ADAMTSL1: variants seen among roughly 807,000 people sequenced by gnomAD.
The protein encoded by ADAMTSL1 is ADAMTS like 1.
A neutral mutation model predicts 201.8 loss-of-function variants in ADAMTSL1; 126 were observed. The ratio of observed to expected loss-of-function variants is 0.62; its 90% CI spans 0.54 to 0.72. The LOEUF (loss-of-function observed/expected upper bound fraction) is 0.72, where lower values mean the gene tolerates loss of function less well. ADAMTSL1 is among the 30% of genes least tolerant of loss of function. ADAMTSL1 has a pLI of 0.00. For missense variants in ADAMTSL1, 2,679 were observed against 2,277.8 expected, an observed-to-expected ratio of 1.18 and a Z score of -3.59; for synonymous variants, 1,121 against 903.4, an observed-to-expected ratio of 1.24 and a Z score of -4.32.
intron 2 of ADAMTSL1, among the ~76,000 whole-genome samples, chr9:18,378,405 C>A (rs765607882): frequency 3.9e-5 from 6 of 152,124 alleles, no homozygotes; most frequent in African/African-American, 7.2e-5. Context: ...GGCACTAAGC[C>A]AGGGAGGGAT....
chr9:17,942,927 T>C (rs944352417), intron 1 of ADAMTSL1, among the ~76,000 whole-genome samples: 1 of 152,148 alleles, frequency 6.6e-6, no homozygotes, highest in Non-Finnish European at 1.5e-5. Flanking sequence ...TCTTTTTTTG[T>C]TGTTTGTTTA....
At chr9:18,648,071 C>T (rs1470086580) in intron 7 of ADAMTSL1, among the ~76,000 whole-genome samples, 1 of 147,216 alleles carries the variant, frequency 6.8e-6, no homozygotes, top group Non-Finnish European at 1.5e-5. Context: ...CTGGGTGCTC[C>T]TGTATTGGGT....
At chr9:18,217,597 A>T (rs10963524) in intron 2 of ADAMTSL1, among the ~76,000 whole-genome samples, 1 of 151,996 alleles carries the variant, frequency 6.6e-6, no homozygotes, top group Admixed American at 6.6e-5. Context: ...AGATATATGG[A>T]CCATGATGGA....
chr9:18,078,623 C>G (rs1409983111), intron 1 of ADAMTSL1, among the ~76,000 whole-genome samples: 3 of 152,104 alleles, frequency 2.0e-5, no homozygotes, highest in Non-Finnish European at 4.4e-5. Flanking sequence ...GTATCACTTT[C>G]TCGTGAGTAT....
At chr9:18,690,893 C>T (rs761050113) in intron 13 of ADAMTSL1, among the ~76,000 whole-genome samples, 4 of 152,190 alleles carry the variant, frequency 2.6e-5, no homozygotes, top group Non-Finnish European at 2.9e-5. Flanking sequence ...AAATTGTTCA[C>T]ACCTCCTAAT....
intron 5 of ADAMTSL1, among the ~76,000 whole-genome samples, chr9:18,627,763 A>G (rs1417299903): frequency 6.6e-6 from 1 of 151,948 alleles, no homozygotes; most frequent in Non-Finnish European, 1.5e-5. Flanking sequence ...TGACCTGATT[A>G]GCAATCTTAA....
chr9:18,135,765 C>T (rs1826133012), intron 1 of ADAMTSL1, among the ~76,000 whole-genome samples: 1 of 152,030 alleles, frequency 6.6e-6, no homozygotes, highest in African/African-American at 2.4e-5. Context: ...ATACACACAC[C>T]ACCTAAGATG....
chr9:18,639,435 T>A, intron 7 of ADAMTSL1, 24 bp downstream of exon 7: 1 of 1,601,066 alleles, frequency 6.2e-7, no homozygotes, highest in African/African-American at 1.3e-5. Flanking sequence ...AGATACCTCC[T>A]TTTCAAGCCA....
At chr9:18,130,706 A>C (rs1425722903) in intron 1 of ADAMTSL1, among the ~76,000 whole-genome samples, 1 of 152,184 alleles carries the variant, frequency 6.6e-6, no homozygotes, top group Non-Finnish European at 1.5e-5. Context: ...AAGACATAAA[A>C]TTCAGCATTC....
intron 1 of ADAMTSL1, among the ~76,000 whole-genome samples, chr9:17,931,796 G>GT (rs1826802709): frequency 6.6e-6 from 1 of 152,124 alleles, no homozygotes; most frequent in Non-Finnish European, 1.5e-5. Context: ...TAGCAAGGAG[G>GT]TTTATGCTGA....
intron 17 of ADAMTSL1, among the ~76,000 whole-genome samples, chr9:18,772,967 T>A (rs933094029): frequency 2.0e-5 from 3 of 152,158 alleles, no homozygotes; most frequent in Non-Finnish European, 4.4e-5. Flanking sequence ...TGGGAAGTAA[T>A]CACTGAATTG....
At chr9:18,191,816 G>C (rs1192844931) in intron 2 of ADAMTSL1, among the ~76,000 whole-genome samples, 1 of 152,096 alleles carries the variant, frequency 6.6e-6, no homozygotes, top group South Asian at 2.1e-4. Flanking sequence ...AAAATATTTT[G>C]TTATGCCCAT....
At chr9:18,657,357 A>T (rs770225548) in intron 7 of ADAMTSL1, among the ~76,000 whole-genome samples, 62 of 152,370 alleles carry the variant, frequency 4.1e-4, no homozygotes, top group Non-Finnish European at 7.1e-4. Flanking sequence ...AAGGGAATAC[A>T]GGCTTGGAAT....
At chr9:18,540,913 G>A (rs577583061) in intron 3 of ADAMTSL1, among the ~76,000 whole-genome samples, 2 of 152,264 alleles carry the variant, frequency 1.3e-5, no homozygotes, top group South Asian at 2.1e-4. Flanking sequence ...CCTGGCTGCT[G>A]CTTCACCCTG....
intron 2 of ADAMTSL1, among the ~76,000 whole-genome samples, chr9:18,316,127 G>A (rs542986187): frequency 3.5e-4 from 54 of 152,250 alleles, no homozygotes; most frequent in African/African-American, 1.1e-3. Flanking sequence ...GGGAATGTGC[G>A]AATAGGTGTG....
chr9:18,800,067 C>T (rs113555114), intron 20 of ADAMTSL1, among the ~76,000 whole-genome samples: 18 of 152,034 alleles, frequency 1.2e-4, no homozygotes, highest in African/African-American at 4.3e-4. Context: ...AAGATTTGCT[C>T]CCATGCACTA....
chr9:18,178,968 G>T (rs1415926505), intron 2 of ADAMTSL1, among the ~76,000 whole-genome samples: 7 of 152,158 alleles, frequency 4.6e-5, no homozygotes, highest in Non-Finnish European at 7.3e-5. Context: ...AAAGCAGAGC[G>T]CCTCTCCTCC....
chr9:18,235,430 C>G (rs1389448469), intron 2 of ADAMTSL1, among the ~76,000 whole-genome samples: 1 of 152,132 alleles, frequency 6.6e-6, no homozygotes, highest in African/African-American at 2.4e-5. Context: ...GTTTCCTAGG[C>G]TTCTCCACTC....
intron 1 of ADAMTSL1, among the ~76,000 whole-genome samples, chr9:18,028,364 A>G (rs1463591249): frequency 6.6e-6 from 1 of 152,072 alleles, no homozygotes; most frequent in Non-Finnish European, 1.5e-5. Context: ...AAATTCACTT[A>G]ATGATTGCTT....
Sources: gnomAD v4.1 joint callset for allele counts (sites outside exome capture counted in the v4.1 genomes callset) on GRCh38, gnomAD v4.1.1 for gene constraint, MANE v1.5 for transcripts, NCBI Gene and HGNC (gene_info 2026-07-23, HGNC 2026-07-21) for gene names.